The following ATP2B2 variants were observed in gnomAD, a reference collection of about 807,000 sequenced individuals.
The protein encoded by ATP2B2 is ATPase plasma membrane Ca2+ transporting 2.
ATP2B2 carries 15 observed loss-of-function variants against 120.0 expected under a neutral mutation model. The observed-to-expected ratio is 0.12, with a 90% CI of 0.08 to 0.19. The LOEUF (loss-of-function observed/expected upper bound fraction) is 0.19, where lower values mean the gene tolerates loss of function less well. Ranked by LOEUF, ATP2B2 falls within the 10% of genes least tolerant of loss-of-function variation. ATP2B2 has a pLI of 1.00. For synonymous variants in ATP2B2, 694 were observed against 700.3 expected (o/e 0.99, Z 0.14); for missense variants, 1,045 against 1,719.8 (o/e 0.61, Z 6.94).
intron 2 of ATP2B2, among the ~76,000 whole-genome samples, chr3:10,599,566 G>A (rs147728229): frequency 3.3e-5 from 5 of 152,198 alleles, no homozygotes; most frequent in African/African-American, 7.2e-5. Context: ...GCATGGGCCC[G>A]CCACCGAATC....
intron 2 of ATP2B2, among the ~76,000 whole-genome samples, chr3:10,590,471 C>T (rs1350734476): frequency 2.6e-5 from 4 of 152,190 alleles, no homozygotes; most frequent in Non-Finnish European, 5.9e-5. Context: ...GTCCTTCAGC[C>T]TCGCTGAAGG....
intron 1 of ATP2B2, chr3:10,625,903 AG>A (rs1342964137): frequency 4.6e-5 from 7 of 152,254 alleles, no homozygotes; most frequent in Admixed American, 2.6e-4. Flanking sequence ...GTATCCACCC[AG>A]GATTTAATAG....
chr3:10,692,623 C>T (rs1196740941), intron 1 of ATP2B2, among the ~76,000 whole-genome samples: 4 of 152,168 alleles, frequency 2.6e-5, no homozygotes, highest in African/African-American at 9.7e-5. Context: ...TGAGGAGTGG[C>T]AGCACCTTGT....
At chr3:10,380,278 G>A (rs553049489) in intron 8 of ATP2B2, among the ~76,000 whole-genome samples, 2 of 152,292 alleles carry the variant, frequency 1.3e-5, no homozygotes, top group East Asian at 1.9e-4. Flanking sequence ...ACCTGCCTTC[G>A]CCAGCACCCT....
In ATP2B2 at chr3:10,388,332, G is replaced by A. The variant is rs1328622002; in HGVS notation, c.852C>T (p.Ile284=). ...TAVGVNSQTG[I]IFTLLGAGGE... ...CACCAGCCCCCAGGAGGGTAAAGAT[G>A]ATGCCAGTCTGAGAGTTCACACCCA... The change falls in exon 6 of 23, where the codon ATC becomes ATT. Residue 284 remains isoleucine (I), a synonymous_variant. Coordinates refer to ENST00000360273, the MANE Select transcript of ATP2B2 (RefSeq NM_001001331.4). 4.3e-6 allele frequency: 7 copies of A among 1,614,052 alleles called. No homozygotes were observed. The highest frequency in any genetic ancestry group is 5.9e-6 in the Non-Finnish European group (7 of 1,180,038).
intron 1 of ATP2B2, among the ~76,000 whole-genome samples, chr3:10,631,046 A>C (rs988579901): frequency 6.6e-6 from 1 of 152,254 alleles, no homozygotes; most frequent in African/African-American, 2.4e-5. Context: ...ACCCCGAGCC[A>C]CACAACTTGG....
At chr3:10,684,556 T>C (rs1167950534) in intron 1 of ATP2B2, among the ~76,000 whole-genome samples, 2 of 152,216 alleles carry the variant, frequency 1.3e-5, no homozygotes, top group Non-Finnish European at 2.9e-5. Context: ...TCAACAATTA[T>C]CTATTTAGTA....
intron 17 of ATP2B2, 151 bp downstream of exon 17, chr3:10,345,880 G>A: frequency 2.5e-6 from 2 of 801,210 alleles, no homozygotes; most frequent in Non-Finnish European, 4.0e-6. Flanking sequence ...GAAGACCTCG[G>A]GGTCAGGCTG....
chr3:10,361,317 T>A (rs982386649), intron 12 of ATP2B2, among the ~76,000 whole-genome samples: 1 of 152,226 alleles, frequency 6.6e-6, no homozygotes, highest in Admixed American at 6.5e-5. Flanking sequence ...CATGCCCGGC[T>A]GTAACTGCGC....
At chr3:10,634,345 T>C (rs534282657) in intron 1 of ATP2B2, among the ~76,000 whole-genome samples, 1 of 152,196 alleles carries the variant, frequency 6.6e-6, no homozygotes, top group Non-Finnish European at 1.5e-5. Context: ...TTTCCATGGT[T>C]CCAATATCTG....
intron 1 of ATP2B2, among the ~76,000 whole-genome samples, chr3:10,478,473 T>C (rs1043421408): frequency 6.6e-6 from 1 of 152,226 alleles, no homozygotes; most frequent in South Asian, 2.1e-4. Context: ...CTTTCCCCTA[T>C]GTCTTCTGTC....
intron 1 of ATP2B2, among the ~76,000 whole-genome samples, chr3:10,495,386 G>A (rs1359246531): frequency 6.6e-6 from 1 of 152,224 alleles, no homozygotes; most frequent in Non-Finnish European, 1.5e-5. Context: ...GGCTATTCAA[G>A]AGGCCTTGGA....
intron 2 of ATP2B2, among the ~76,000 whole-genome samples, chr3:10,602,510 C>T (rs2068951472): frequency 6.6e-6 from 1 of 152,166 alleles, no homozygotes; most frequent in Non-Finnish European, 1.5e-5. Context: ...CTTCTCCCTC[C>T]TAACAGAGAG....
chr3:10,370,710 G>A (rs1480283196), intron 12 of ATP2B2, among the ~76,000 whole-genome samples: 1 of 152,194 alleles, frequency 6.6e-6, no homozygotes, highest in African/African-American at 2.4e-5. Context: ...AACCCAGCCT[G>A]ATCGAGAAGG....
At chr3:10,701,211 G>A (rs1052207511) in intron 1 of ATP2B2, among the ~76,000 whole-genome samples, 8 of 152,162 alleles carry the variant, frequency 5.3e-5, no homozygotes, top group Non-Finnish European at 7.4e-5. Context: ...TGATGGCAGC[G>A]TTGGAGAAAT....
intron 3 of ATP2B2, among the ~76,000 whole-genome samples, chr3:10,407,091 G>GA (rs1387745643): frequency 6.6e-5 from 10 of 152,148 alleles, no homozygotes; most frequent in African/African-American, 1.9e-4. Flanking sequence ...CCCAGTGCGG[G>GA]AAGCCTGAGG....
At chr3:10,497,799 G>A (rs1188410745) in intron 1 of ATP2B2, among the ~76,000 whole-genome samples, 1 of 152,158 alleles carries the variant, frequency 6.6e-6, no homozygotes, top group East Asian at 1.9e-4. Flanking sequence ...TGCTGGTCAC[G>A]TAATACACAC....
chr3:10,671,335 C>T (rs750996340), intron 1 of ATP2B2, among the ~76,000 whole-genome samples: 1 of 152,112 alleles, frequency 6.6e-6, no homozygotes, highest in Non-Finnish European at 1.5e-5. Flanking sequence ...CTCTGTGCCT[C>T]GGTTTCCAAA....
At chr3:10,415,372 T>C (rs34913) in intron 2 of ATP2B2, among the ~76,000 whole-genome samples, 76,168 of 151,966 alleles carry the variant, frequency 0.5, 20,005 homozygotes, top group East Asian at 0.71. Flanking sequence ...GGCAGGATTT[T>C]GACAAGATAG....
Sources: allele counts gnomAD v4.1 joint callset (sites outside exome capture counted in the v4.1 genomes callset), GRCh38; gene constraint gnomAD v4.1.1; transcripts MANE v1.5; gene names NCBI Gene and HGNC (gene_info 2026-07-23, HGNC 2026-07-21).